SLC16A7: variants seen among roughly 807,000 people sequenced by gnomAD.
SLC16A7 encodes the protein solute carrier family 16 member 7.
Under a neutral mutation model 34.9 loss-of-function variants are expected in SLC16A7, and 33 were observed. That is an observed-to-expected ratio of 0.94 (90% confidence interval 0.72 to 1.26). The LOEUF (loss-of-function observed/expected upper bound fraction) is 1.26, where lower values mean the gene tolerates loss of function less well. SLC16A7 is among the 50% of genes most tolerant of loss of function. The probability of loss-of-function intolerance (pLI) is 0.00; values close to 1 mark genes in which losing one functional copy is unlikely to be tolerated. For synonymous variants in SLC16A7, 201 were observed against 206.6 expected (o/e 0.97, Z 0.23); for missense variants, 573 against 578.1 (o/e 0.99, Z 0.09).
chr12:59,759,024 T>C (rs1405298638), intron 3 of SLC16A7, among the ~76,000 whole-genome samples: 1 of 152,018 alleles, frequency 6.6e-6, no homozygotes, highest in Non-Finnish European at 1.5e-5. Flanking sequence ...TTTTTTTCTA[T>C]TTAAGGAAAG....
chr12:59,638,768 G>A (rs1447199594), intron 1 of SLC16A7, among the ~76,000 whole-genome samples: 2 of 152,084 alleles, frequency 1.3e-5, no homozygotes, highest in African/African-American at 4.8e-5. Flanking sequence ...AAGAGTTTAT[G>A]TATTTTTATG....
chr12:59,714,505 C>T (rs1874645287), intron 3 of SLC16A7, among the ~76,000 whole-genome samples: 1 of 151,988 alleles, frequency 6.6e-6, no homozygotes, highest in Non-Finnish European at 1.5e-5. Flanking sequence ...TAGTTGTGTC[C>T]TCACATGGTC....
At chr12:59,685,732 A>T (rs1358599016) in intron 2 of SLC16A7, among the ~76,000 whole-genome samples, 3 of 152,286 alleles carry the variant, frequency 2.0e-5, no homozygotes, top group African/African-American at 7.2e-5. Flanking sequence ...ATTTGAATAT[A>T]CAATATACAA....
chr12:59,687,346 T>C (rs1329665889), intron 2 of SLC16A7, among the ~76,000 whole-genome samples: 1 of 152,114 alleles, frequency 6.6e-6, no homozygotes, highest in Non-Finnish European at 1.5e-5. Context: ...ATGTAGCTAA[T>C]TACCACCAAC....
chr12:59,702,062 C>T (rs187840476), intron 2 of SLC16A7, among the ~76,000 whole-genome samples: 7 of 151,784 alleles, frequency 4.6e-5, no homozygotes, highest in Non-Finnish European at 7.4e-5. Flanking sequence ...GGTATTTCCT[C>T]AGTATTCTTC....
chr12:59,720,313 T>C (rs1416723504), intron 3 of SLC16A7: 1 of 511,922 alleles, frequency 2.0e-6, no homozygotes, highest in African/African-American at 2.0e-5. Flanking sequence ...AATAGGTTTT[T>C]AGTCTTGTGA....
chr12:59,662,828 T>C (rs1202969727), intron 2 of SLC16A7, among the ~76,000 whole-genome samples: 1 of 152,154 alleles, frequency 6.6e-6, no homozygotes, highest in Non-Finnish European at 1.5e-5. Context: ...CATTAATCCA[T>C]AATTTGCTGC....
chr12:59,708,669 A>G (rs899807105), intron 3 of SLC16A7, among the ~76,000 whole-genome samples: 1 of 152,058 alleles, frequency 6.6e-6, no homozygotes, highest in Non-Finnish European at 1.5e-5. Flanking sequence ...CAACCTATTA[A>G]TCACTACTGT....
intron 2 of SLC16A7, among the ~76,000 whole-genome samples, chr12:59,658,357 A>G (rs954364002): frequency 4.4e-4 from 67 of 152,060 alleles, no homozygotes; most frequent in Admixed American, 5.9e-4. Flanking sequence ...GCACTTAACT[A>G]TGTGGAAATA....
chr12:59,636,547 C>G (rs73357281), intron 1 of SLC16A7, among the ~76,000 whole-genome samples: 8,524 of 152,092 alleles, frequency 0.056, 769 homozygotes, highest in African/African-American at 0.19. Flanking sequence ...TCACTGCAAC[C>G]TTGACTATTC....
chr12:59,752,829 G>C (rs1309368399), intron 3 of SLC16A7, among the ~76,000 whole-genome samples: 2 of 152,102 alleles, frequency 1.3e-5, no homozygotes, highest in Non-Finnish European at 2.9e-5. Context: ...TGAAATGAAG[G>C]AAAAAATGTT....
At chr12:59,613,322 T>C (rs1442189559) in intron 1 of SLC16A7, among the ~76,000 whole-genome samples, 1 of 152,230 alleles carries the variant, frequency 6.6e-6, no homozygotes, top group East Asian at 1.9e-4. Flanking sequence ...ATGGTTAAAT[T>C]CCACCCACCA....
rs759316586 is a variant in SLC16A7 at position 59,774,996 on chromosome 12, ATAAGTATT to A, written c.704_711del (p.Lys235ArgfsTer6). On this transcript the variant is annotated frameshift_variant, in exon 5 of 6. Transcript: ENST00000547379. LOFTEE classifies it high-confidence loss of function. ...AAGAAATCAACTTGGGAAAAAGTTA[ATAAGTATT>A]TAGATTTCTCCCTTTTTAAGCATAG... 3.1e-6 allele frequency: 5 copies of A among 1,613,720 alleles called. No homozygotes were observed. The highest frequency in any genetic ancestry group is 4.2e-6 in the Non-Finnish European group (5 of 1,179,828).
chr12:59,604,995 C>A (rs745554451), intron 1 of SLC16A7, among the ~76,000 whole-genome samples: 1 of 151,984 alleles, frequency 6.6e-6, no homozygotes, highest in Non-Finnish European at 1.5e-5. Flanking sequence ...TACAGGCGCC[C>A]GCCACCACGC....
intron 3 of SLC16A7, among the ~76,000 whole-genome samples, chr12:59,713,899 G>A (rs913185598): frequency 2.6e-5 from 4 of 152,170 alleles, no homozygotes; most frequent in African/African-American, 7.2e-5. Context: ...AAACCACAGC[G>A]AGCCAACAGA....
rs559705860 is a variant in SLC16A7, at chr12:59,788,926, G to C, written c.*9247G>C. On this transcript the variant is annotated 3_prime_UTR_variant, in exon 6 of 6. Transcript: ENST00000547379. ...TTTGTTTTTCAGCACACTTGTTTAA[G>C]TTCTTGCCTTTCAGGTATACTACAG... 6.6e-6 allele frequency: 1 copy of C among 152,012 alleles called. No homozygotes were observed. The highest frequency in any genetic ancestry group is 1.9e-4 in the East Asian group (1 of 5,182). 9.4% of individuals were successfully genotyped at this position (152,012 alleles called of 1,614,324 possible).
In SLC16A7 at chr12:59,745,357, G is replaced by T. The variant is rs539107725; in HGVS notation, c.218-25862G>T. Among the ~76,000 whole-genome samples the T allele has an allele frequency of 5.9e-5, 9 of 152,302 alleles. 1 individual carries two copies. The East Asian group carries it at 1.7e-3, about 29-fold the overall frequency. On this transcript the variant is annotated intron_variant, in intron 3 of 5. Transcript: ENST00000547379. ...TGTCACTGGCATAGAGTCCTATTGG[G>T]TTGGGAATGGATGTTGGAGAATCAA...
intron 3 of SLC16A7, among the ~76,000 whole-genome samples, chr12:59,706,535 C>T (rs1469168701): frequency 3.9e-5 from 6 of 152,004 alleles, no homozygotes; most frequent in African/African-American, 9.7e-5. Flanking sequence ...ACTATTTGGG[C>T]GTGTCAATGG....
At chr12:59,654,587 T>A (rs1452866479) in intron 1 of SLC16A7, among the ~76,000 whole-genome samples, 2 of 151,912 alleles carry the variant, frequency 1.3e-5, no homozygotes, top group East Asian at 3.9e-4. Context: ...TTTGTCTCAC[T>A]GAAATGTTGC....
Sources: gnomAD v4.1 joint callset for allele counts (sites outside exome capture counted in the v4.1 genomes callset) on GRCh38, gnomAD v4.1.1 for gene constraint, MANE v1.5 for transcripts, NCBI Gene and HGNC (gene_info 2026-07-23, HGNC 2026-07-21) for gene names.